Variants in FBLN1 observed in about 807,000 individuals in gnomAD.
FBLN1 encodes the protein fibulin-1.
FBLN1 carries 34 observed loss-of-function variants against 89.7 expected under a neutral mutation model. The observed-to-expected ratio is 0.38, with a 90% CI of 0.29 to 0.50. The LOEUF (loss-of-function observed/expected upper bound fraction) is 0.50, where lower values mean the gene tolerates loss of function less well. FBLN1 is among the 20% of genes least tolerant of loss of function. The pLI, the probability that FBLN1 is intolerant of heterozygous loss-of-function variation, is 0.92. For synonymous variants in FBLN1, 393 were observed against 391.3 expected, an observed-to-expected ratio of 1.00 and a Z score of -0.05; for missense variants, 777 against 988.1, an observed-to-expected ratio of 0.79 and a Z score of 2.86.
In FBLN1 at chr22:45,574,716, GCTTGGCCTAC is replaced by G; in HGVS notation, c.1840+64_1840+73del. On this transcript the variant is annotated intron_variant, in intron 15 of 16. Coordinates refer to ENST00000327858, the MANE Select transcript of FBLN1 (RefSeq NM_006486.3). The surrounding 1 kb of genome is among the most constrained non-coding windows in gnomAD (Gnocchi z 4.1). ...GGGCCTCCCTCGGCTTCAGCTGAGG[GCTTGGCCTAC>G]AGGAGTTGTTCCTTGTAAGATGTGG... 2 of 1,489,800 alleles carry G rather than the reference GCTTGGCCTAC, an allele frequency of 1.3e-6. No individual in the cohort carries two copies. Among genetic ancestry groups the G allele is most frequent in the Non-Finnish European group, 1.8e-6 (2 of 1,082,236 alleles). 92.3% of individuals were successfully genotyped at this position (1,489,800 alleles called of 1,614,324 possible). A position where few individuals can be genotyped will look rare whatever the true frequency, so the allele number is the denominator to read the frequency against.
chr22:45,547,535 A>AT (rs2088647987), intron 12 of FBLN1, among the ~76,000 whole-genome samples: 2 of 151,476 alleles, frequency 1.3e-5, no homozygotes, highest in Non-Finnish European at 2.9e-5. Context: ...AGTTGGGACC[A>AT]TAGGTGTATA....
intron 2 of FBLN1, among the ~76,000 whole-genome samples, chr22:45,519,667 G>T (rs2088222290): frequency 6.6e-6 from 1 of 150,640 alleles, no homozygotes; most frequent in Non-Finnish European, 1.5e-5. Context: ...ATTAGGTCAT[G>T]CTGATCATCA....
intron 14 of FBLN1, among the ~76,000 whole-genome samples, chr22:45,552,177 C>T (rs1175797042): frequency 6.6e-6 from 1 of 152,148 alleles, no homozygotes; most frequent in African/African-American, 2.4e-5. Flanking sequence ...CCGCCTTCGG[C>T]GTGTGTGCTA....
At position 45,545,417 on chromosome 22, in the gene FBLN1, G is replaced by A. The variant is rs565582249; in HGVS notation, c.1322-1668G>A. Among the ~76,000 whole-genome samples, 11 of 152,308 alleles carry A rather than the reference G, an allele frequency of 7.2e-5. No homozygotes were observed. In the East Asian group the frequency reaches 1.9e-3, roughly 27 times the overall value. ...GCACAGGATGAAGAGCTGGCGGTGT[G>A]GAGGCTGCTGGCTTTATTATTATTT... On this transcript the variant is annotated intron_variant, in intron 11 of 16. Coordinates refer to ENST00000327858, the MANE Select transcript of FBLN1 (RefSeq NM_006486.3). The surrounding 1 kb of genome is among the most constrained non-coding windows in gnomAD (Gnocchi z 5.9).
chr22:45,549,923 G>A lies in FBLN1; in HGVS notation c.1574-569G>A, dbSNP rs957028725. 1.3e-5 allele frequency among the ~76,000 whole-genome samples: 2 copies of A among 152,124 alleles called. No individual in the cohort carries two copies. The highest frequency in any genetic ancestry group is 4.8e-5 in the African/African-American group (2 of 41,414). On this transcript the variant is annotated intron_variant, in intron 13 of 16. Transcript: ENST00000327858. The surrounding 1 kb of genome is among the most constrained non-coding windows in gnomAD (Gnocchi z 5.7). The stretch of plus-strand genomic sequence containing the variant: ...AGGCAAGACGTATGATCCCTCGAAG[G>A]CTGTTTTTCTCATTGTTGTGTGGAG...
chr22:45,546,054 G>A (rs1389336559), intron 11 of FBLN1, among the ~76,000 whole-genome samples: 1 of 152,152 alleles, frequency 6.6e-6, no homozygotes, highest in Admixed American at 6.5e-5. Flanking sequence ...GGAGGCTGAG[G>A]CAGGAGAACT....
Position 45,511,510 on chromosome 22 carries a change from G to A in FBLN1, c.80-7172G>A, listed in dbSNP as rs906423795. ...CACCCAGGATGGAGTACAGTGGCAC[G>A]ATCTTGGCTCACTGCAACCTCTGCC... On this transcript the variant is annotated intron_variant, in intron 1 of 16. Coordinates refer to ENST00000327858, the MANE Select transcript of FBLN1 (RefSeq NM_006486.3). Among the ~76,000 whole-genome samples the A allele has an allele frequency of 3.4e-5, 5 of 148,706 alleles. 1 individual carries two copies. Among genetic ancestry groups the A allele is most frequent in the African/African-American group, 1.3e-4 (5 of 39,978 alleles).
Position 45,535,158 on chromosome 22 carries a change from C to T in FBLN1, c.785-42C>T, listed in dbSNP as rs757309364. 22 of 1,612,532 alleles carry T rather than the reference C, an allele frequency of 1.4e-5. 1 individual carries two copies. The highest frequency in any genetic ancestry group is 1.3e-4 in the Admixed American group (8 of 59,996). Reference sequence around the variant, plus strand: ...TTAAAGTGTTGTAAGATGCTTCTGGCAGGACTCTTGCTAACAATTTCCTTT... The same window carrying T: ...TTAAAGTGTTGTAAGATGCTTCTGGTAGGACTCTTGCTAACAATTTCCTTT... On this transcript the variant is annotated intron_variant, in intron 7 of 16. Coordinates refer to ENST00000327858, the MANE Select transcript of FBLN1 (RefSeq NM_006486.3).
Position 45,569,622 on chromosome 22 carries a change from G to A in FBLN1, c.1698-4889G>A, listed in dbSNP as rs531753492. On this transcript the variant is annotated intron_variant, in intron 14 of 16. Transcript: ENST00000327858. Reference sequence around the variant, plus strand: ...CCACTGTACTCCAGCCTGGGTGACAGGGCAAGACTCTGTCTCAAAAAAGAA... The same window carrying A: ...CCACTGTACTCCAGCCTGGGTGACAAGGCAAGACTCTGTCTCAAAAAAGAA... Among the ~76,000 whole-genome samples, 5 of 151,564 alleles carry A rather than the reference G, an allele frequency of 3.3e-5. No homozygotes were observed. The South Asian group carries it at 1.0e-3, about 31-fold the overall frequency.
At chr22:45,586,434 T>C (rs929361441) in intron 16 of FBLN1, among the ~76,000 whole-genome samples, 4 of 152,156 alleles carry the variant, frequency 2.6e-5, no homozygotes, top group African/African-American at 4.8e-5. Context: ...GGTGAGACAA[T>C]GCAGCCAGAG....
chr22:45,582,108 C>T (rs988969255), intron 16 of FBLN1, among the ~76,000 whole-genome samples: 22 of 152,212 alleles, frequency 1.4e-4, no homozygotes, highest in Non-Finnish European at 2.9e-4. Flanking sequence ...GCCAAGTCCC[C>T]AGGATCTCCC....
rs1170436277 is a variant in FBLN1 at position 45,588,665 on chromosome 22, C to T, written c.1972+11557C>T. The stretch of plus-strand genomic sequence containing the variant: ...ACAGCCTCTTAGTCTCCAGAGCCTC[C>T]CGCAGGAATGATTTGTGACCCTCTT... On this transcript the variant is annotated intron_variant, in intron 16 of 16. Transcript: ENST00000327858. This position sits in a 1 kb window ranked among gnomAD's most constrained non-coding sequence, Gnocchi z 5.1. Among the ~76,000 whole-genome samples, 1 of 64,958 alleles carries T rather than the reference C, an allele frequency of 1.5e-5. No individual in the cohort carries two copies. The highest frequency in any genetic ancestry group is 4.7e-5 in the Non-Finnish European group (1 of 21,192). 42.6% of individuals were successfully genotyped at this position (64,958 alleles called of 152,430 possible).
intron 2 of FBLN1, among the ~76,000 whole-genome samples, chr22:45,524,929 G>C (rs1276566265): frequency 1.3e-5 from 2 of 152,006 alleles, no homozygotes; most frequent in Non-Finnish European, 2.9e-5. Flanking sequence ...TACAAAAATA[G>C]AAAAGTTAGC....
chr22:45,521,853 A>T (rs2088255658), intron 2 of FBLN1, among the ~76,000 whole-genome samples: 1 of 152,200 alleles, frequency 6.6e-6, no homozygotes, highest in South Asian at 2.1e-4. Context: ...TTCATTTTTA[A>T]TGAAGGCAGG....
At chr22:45,596,097 C>A (rs1452511764) in intron 16 of FBLN1, among the ~76,000 whole-genome samples, 1 of 152,198 alleles carries the variant, frequency 6.6e-6, no homozygotes, top group Non-Finnish European at 1.5e-5. Flanking sequence ...TCTTGATCTC[C>A]TGACCTTGTG....
At chr22:45,535,790 C>T (rs1486221967) in intron 8 of FBLN1, among the ~76,000 whole-genome samples, 7 of 152,176 alleles carry the variant, frequency 4.6e-5, no homozygotes, top group Non-Finnish European at 8.8e-5. Context: ...AGACTTGAGG[C>T]CAGGATTAGG....
At chr22:45,593,508 T>C (rs1415311009) in intron 16 of FBLN1, among the ~76,000 whole-genome samples, 1 of 152,162 alleles carries the variant, frequency 6.6e-6, no homozygotes, top group Non-Finnish European at 1.5e-5. Flanking sequence ...GAAGCAGAAA[T>C]GCCAGGGATG....
Position 45,561,407 on chromosome 22 carries a change from T to C in FBLN1, c.1697+10792T>C, listed in dbSNP as rs1381183216. Among the ~76,000 whole-genome samples, 1 of 152,208 alleles carries C rather than the reference T, an allele frequency of 6.6e-6. No homozygotes were observed. Among genetic ancestry groups the C allele is most frequent in the African/African-American group, 2.4e-5 (1 of 41,460 alleles). ...GAGCAACCAACCAGCTTCATTATGT[T>C]CCTTGGTTCTCCACATATGATCAAA... On this transcript the variant is annotated intron_variant, in intron 14 of 16. Transcript: ENST00000327858. The surrounding 1 kb of genome is among the most constrained non-coding windows in gnomAD (Gnocchi z 4.7).
In FBLN1 at chr22:45,600,644, C is replaced by G. The variant is rs1196547254; in HGVS notation, c.*198C>G. 1.5e-6 allele frequency: 1 copy of G among 669,164 alleles called. No individual in the cohort carries two copies. Among genetic ancestry groups the G allele is most frequent in the Admixed American group, 2.2e-5 (1 of 44,768 alleles). The allele number at this position is 669,164 out of a possible 1,614,324, so 41.5% of individuals were successfully genotyped here. A position where few individuals can be genotyped will look rare whatever the true frequency, so the allele number is the denominator to read the frequency against. On this transcript the variant is annotated 3_prime_UTR_variant, in exon 17 of 17. Coordinates refer to ENST00000327858, the MANE Select transcript of FBLN1 (RefSeq NM_006486.3). ...GGTGTTTAAAAAATGAGCCCAGTTG[C>G]TCAACTGTTTGGTTGAAAACCTTGC...
Sources: gnomAD v4.1 joint callset for allele counts (sites outside exome capture counted in the v4.1 genomes callset) on GRCh38, gnomAD v4.1.1 for gene constraint, Gnocchi (gnomAD v3.1) non-coding constraint, MANE v1.5 for transcripts, NCBI Gene and HGNC (gene_info 2026-07-23, HGNC 2026-07-21) for gene names.